Variants in CCDC6 observed in about 807,000 individuals in gnomAD.
CCDC6 encodes coiled-coil domain containing 6, also known as coiled-coil domain-containing protein 6.
Under a neutral mutation model 56.6 loss-of-function variants are expected in CCDC6, and 20 were observed. That is an observed-to-expected ratio of 0.35 (90% CI 0.25 to 0.51). The LOEUF is 0.51. CCDC6 is among the 20% of genes least tolerant of loss of function. The pLI, the probability that CCDC6 is intolerant of heterozygous loss-of-function variation, is 0.95. For synonymous variants in CCDC6, 241 were observed against 234.4 expected (o/e 1.03, Z -0.26); for missense variants, 367 against 601.1 (o/e 0.61, Z 4.07).
intron 7 of CCDC6, among the ~76,000 whole-genome samples, chr10:59,796,830 G>A (rs7917071): frequency 0.16 from 24,772 of 151,972 alleles, 2,590 homozygotes; most frequent in African/African-American, 0.29. Flanking sequence ...AATTAGCTGG[G>A]CATGGTGGCG....
chr10:59,870,833 T>C (rs996099070), intron 1 of CCDC6, among the ~76,000 whole-genome samples: 3 of 152,146 alleles, frequency 2.0e-5, no homozygotes, highest in East Asian at 1.9e-4. Flanking sequence ...AGCTATGAAA[T>C]AGGAAGACCC....
At chr10:59,899,173 G>C (rs1390972232) in intron 1 of CCDC6, among the ~76,000 whole-genome samples, 1 of 152,174 alleles carries the variant, frequency 6.6e-6, no homozygotes, top group Non-Finnish European at 1.5e-5. Context: ...ATATTTTCCA[G>C]AGGATTAGTT....
At chr10:59,888,861 A>C (rs1211986163) in intron 1 of CCDC6, among the ~76,000 whole-genome samples, 1 of 152,150 alleles carries the variant, frequency 6.6e-6, no homozygotes, top group Non-Finnish European at 1.5e-5. Context: ...AGCTTAAACA[A>C]AATCCACTAT....
intron 2 of CCDC6, among the ~76,000 whole-genome samples, chr10:59,836,726 C>A (rs2070886549): frequency 6.6e-6 from 1 of 152,056 alleles, no homozygotes; most frequent in African/African-American, 2.4e-5. Context: ...GTTTTATAAC[C>A]CTTATTTGTG....
At position 59,872,279 on chromosome 10, in the gene CCDC6, G is replaced by A. The variant is rs148393608; in HGVS notation, c.304-19577C>T. Among the ~76,000 whole-genome samples, 80 of 152,296 alleles carry A rather than the reference G, an allele frequency of 5.3e-4. No individual in the cohort carries two copies. In the East Asian group the frequency reaches 0.014, roughly 28 times the overall value. On this transcript the variant is annotated intron_variant, in intron 1 of 8. Transcript: ENST00000263102. ...AAGAATCGTTACAATGAACATGCTT[G>A]AACAGTCTGAGGCTGTGCTAGCTGG...
chr10:59,869,993 C>A (rs1422903549), intron 1 of CCDC6, among the ~76,000 whole-genome samples: 1 of 152,168 alleles, frequency 6.6e-6, no homozygotes, highest in Non-Finnish European at 1.5e-5. Context: ...AAGAGGCTGT[C>A]TCAGCCATCA....
At chr10:59,869,199 G>A (rs1427712737) in intron 1 of CCDC6, among the ~76,000 whole-genome samples, 1 of 151,356 alleles carries the variant, frequency 6.6e-6, no homozygotes, top group Non-Finnish European at 1.5e-5. Context: ...CCAGTTAAGT[G>A]CAACTTTACT....
intron 1 of CCDC6, among the ~76,000 whole-genome samples, chr10:59,856,822 A>T (rs995604863): frequency 6.6e-6 from 1 of 152,246 alleles, no homozygotes; most frequent in Non-Finnish European, 1.5e-5. Context: ...TTTCCAAAGC[A>T]AAATAAGTGA....
chr10:59,812,636 C>A lies in CCDC6; in HGVS notation c.846G>T (p.Gln282His), dbSNP rs2132631772. 1 of 1,610,794 alleles carries A rather than the reference C, an allele frequency of 6.2e-7. No homozygotes were observed. Among genetic ancestry groups the A allele is most frequent in the African/African-American group, 1.3e-5 (1 of 74,922 alleles). Residue 282 changes from glutamine (Q) to histidine (H), a missense_variant and splice_region_variant, in exon 5 of 9, where the codon CAG (glutamine) becomes CAT (histidine). By Grantham distance (24) the Gln-to-His change is conservative (BLOSUM62 0). Transcript: ENST00000263102. The part of the protein sequence containing the change: ...LKKQLRAAQL[Q>H]HSEKMAQYLE... The stretch of plus-strand genomic sequence containing the variant: ...CTAGTGAAACCAGAGGCTACGTACG[C>A]TGTAACTGAGCAGCTCTCAGTTGCT...
chr10:59,887,726 G>C (rs939249972), intron 1 of CCDC6, among the ~76,000 whole-genome samples: 3 of 152,100 alleles, frequency 2.0e-5, no homozygotes, highest in African/African-American at 7.2e-5. Context: ...CCCAATTTTT[G>C]TTGCTGGGTC....
chr10:59,870,854 C>A (rs1423334210), intron 1 of CCDC6, among the ~76,000 whole-genome samples: 1 of 152,202 alleles, frequency 6.6e-6, no homozygotes, highest in East Asian at 1.9e-4. Flanking sequence ...CAGTGAACAA[C>A]CTCATGGAGG....
intron 4 of CCDC6, 32 bp downstream of exon 4, chr10:59,814,619 CA>C: frequency 2.3e-6 from 3 of 1,304,076 alleles, no homozygotes; most frequent in Non-Finnish European, 2.2e-6. Flanking sequence ...CACACACACA[CA>C]CACCCATACT....
intron 7 of CCDC6, among the ~76,000 whole-genome samples, chr10:59,802,422 A>AT (rs34888715): frequency 6.6e-6 from 1 of 152,142 alleles, no homozygotes; most frequent in Non-Finnish European, 1.5e-5. Context: ...ACAGCCACAA[A>AT]TTTTTTCCAA....
At chr10:59,853,768 G>A (rs555460391) in intron 1 of CCDC6, among the ~76,000 whole-genome samples, 84 of 152,240 alleles carry the variant, frequency 5.5e-4, no homozygotes, top group African/African-American at 1.9e-3. Context: ...AGAGAGATTA[G>A]TGAATTGAAT....
chr10:59,849,319 A>G (rs1010485559), intron 2 of CCDC6, among the ~76,000 whole-genome samples: 1 of 152,194 alleles, frequency 6.6e-6, no homozygotes, highest in Non-Finnish European at 1.5e-5. Context: ...GAAGAGCTGC[A>G]TGCTCCCTTT....
chr10:59,818,503 G>C lies in CCDC6; in HGVS notation c.583-3748C>G, dbSNP rs374013152. Reference sequence around the variant, plus strand: ...TTTTATTATAATGTTGACGGGGGGGGGGGAAGCAGATTCTCAGTGGGGCCT... The same window carrying C: ...TTTTATTATAATGTTGACGGGGGGGCGGGAAGCAGATTCTCAGTGGGGCCT... On this transcript the variant is annotated intron_variant, in intron 3 of 8. Transcript: ENST00000263102. Among the ~76,000 whole-genome samples the C allele has an allele frequency of 2.3e-4, 32 of 139,840 alleles. 4 individuals carry two copies. In the East Asian group the frequency reaches 3.0e-3, roughly 13 times the overall value. The allele number at this position is 139,840 out of a possible 152,430, so 91.7% of individuals were successfully genotyped here. A position where few individuals can be genotyped will look rare whatever the true frequency, so the allele number is the denominator to read the frequency against.
intron 1 of CCDC6, among the ~76,000 whole-genome samples, chr10:59,895,261 C>T (rs375286097): frequency 6.6e-6 from 1 of 152,274 alleles, no homozygotes; most frequent in East Asian, 1.9e-4. Context: ...ATGATGGCAC[C>T]ACTGCACTGC....
chr10:59,905,317 C>T (rs528366086), intron 1 of CCDC6, among the ~76,000 whole-genome samples: 2 of 152,176 alleles, frequency 1.3e-5, no homozygotes, highest in African/African-American at 4.8e-5. Flanking sequence ...GAACAGATGG[C>T]CTGTTCTCCA....
intron 1 of CCDC6, among the ~76,000 whole-genome samples, chr10:59,861,836 A>T (rs1382852862): frequency 6.6e-6 from 1 of 152,268 alleles, no homozygotes; most frequent in African/African-American, 2.4e-5. Context: ...ATGGGTTATC[A>T]AATGGTCCAA....
Sources: gnomAD v4.1 joint callset for allele counts (sites outside exome capture counted in the v4.1 genomes callset) on GRCh38, gnomAD v4.1.1 for gene constraint, MANE v1.5 for transcripts, NCBI Gene and HGNC (gene_info 2026-07-23, HGNC 2026-07-21) for gene names.